The following TBX19 variants were observed in gnomAD, a reference collection of about 807,000 sequenced individuals.
The protein encoded by TBX19 is T-box transcription factor TBX19.
TBX19 carries 33 observed loss-of-function variants against 40.9 expected under a neutral mutation model. The observed-to-expected ratio is 0.81, with a 90% CI of 0.61 to 1.08. TBX19 has a LOEUF of 1.08. Among genes scored for constraint, TBX19 ranks in the 50% least tolerant of loss-of-function variants. The pLI is 0.00. For missense variants in TBX19, 494 were observed against 574.0 expected (o/e 0.86, Z 1.42); for synonymous variants, 220 against 225.0 (o/e 0.98, Z 0.20).
intron 5 of TBX19, among the ~76,000 whole-genome samples, chr1:168,304,464 AG>A (rs1279624058): frequency 6.6e-6 from 1 of 152,196 alleles, no homozygotes; most frequent in African/African-American, 2.4e-5. Flanking sequence ...GGCCTATCTT[AG>A]GTTCTACAAT....
intron 2 of TBX19, among the ~76,000 whole-genome samples, chr1:168,291,761 T>G (rs1047802645): frequency 6.6e-6 from 1 of 152,042 alleles, no homozygotes; most frequent in Non-Finnish European, 1.5e-5. Flanking sequence ...TTAGTCCCTC[T>G]CCCCTTTTTT....
At chr1:168,292,258 G>A (rs1648959750) in intron 2 of TBX19, among the ~76,000 whole-genome samples, 1 of 152,198 alleles carries the variant, frequency 6.6e-6, no homozygotes, top group Non-Finnish European at 1.5e-5. Flanking sequence ...GTGATACTCA[G>A]AAGCTTCCAG....
At chr1:168,295,184 G>A (rs932885383) in intron 3 of TBX19, among the ~76,000 whole-genome samples, 13 of 151,944 alleles carry the variant, frequency 8.6e-5, no homozygotes, top group East Asian at 1.9e-4. Flanking sequence ...CCAGCTACTC[G>A]GGAGGCTGAG....
At chr1:168,296,621 T>C (rs1400201284) in intron 3 of TBX19, among the ~76,000 whole-genome samples, 3 of 152,134 alleles carry the variant, frequency 2.0e-5, no homozygotes, top group Non-Finnish European at 4.4e-5. Context: ...GGAGCTACAA[T>C]TCAAGATGAA....
chr1:168,292,845 C>CAGA (rs1005180443), intron 2 of TBX19, among the ~76,000 whole-genome samples: 1 of 121,710 alleles, frequency 8.2e-6, no homozygotes, highest in Non-Finnish European at 1.6e-5. Context: ...GCCTGGGTGA[C>CAGA]AGAGCGAGAC....
chr1:168,282,541 T>C (rs1467704032), intron 1 of TBX19, among the ~76,000 whole-genome samples: 1 of 152,238 alleles, frequency 6.6e-6, no homozygotes, highest in Non-Finnish European at 1.5e-5. Flanking sequence ...TTATTTCATA[T>C]AGATTTATTG....
chr1:168,302,425 A>G (rs1348841209), intron 5 of TBX19, among the ~76,000 whole-genome samples: 2 of 152,148 alleles, frequency 1.3e-5, no homozygotes, highest in Admixed American at 6.5e-5. Context: ...TCCTTAGCCA[A>G]TGTTCTTAAG....
At chr1:168,304,891 C>A in intron 5 of TBX19, 117 bp from the exon 6 acceptor site, 1 of 1,063,190 alleles carries the variant, frequency 9.4e-7, no homozygotes, top group Non-Finnish European at 1.4e-6. Context: ...CACCATCACA[C>A]AGGCTGGCAT....
intron 1 of TBX19, among the ~76,000 whole-genome samples, chr1:168,290,708 C>CT (rs1020896542): frequency 2.7e-4 from 40 of 149,110 alleles, no homozygotes; most frequent in Admixed American, 1.3e-3. Context: ...CAGCTAATTT[C>CT]TTTTTTTTTT....
chr1:168,288,341 T>TG (rs995999887), intron 1 of TBX19, among the ~76,000 whole-genome samples: 4 of 152,174 alleles, frequency 2.6e-5, no homozygotes, highest in Non-Finnish European at 5.9e-5. Context: ...TGCATTTGGT[T>TG]GAATCTACAG....
intron 3 of TBX19, 35 bp from the exon 4 acceptor site, chr1:168,297,688 AC>A (rs746971970): frequency 6.3e-7 from 1 of 1,597,548 alleles, no homozygotes; most frequent in East Asian, 2.2e-5. Flanking sequence ...TGTGTATCCT[AC>A]TTTTACTAAC....
chr1:168,302,105 T>C (rs766181185), intron 5 of TBX19, among the ~76,000 whole-genome samples: 2 of 152,218 alleles, frequency 1.3e-5, no homozygotes, highest in African/African-American at 2.4e-5. Flanking sequence ...TCAAAGTTCA[T>C]GTGTTGCAAT....
At chr1:168,293,012 C>A in intron 2 of TBX19, 132 bp from the exon 3 acceptor site, 1 of 1,485,762 alleles carries the variant, frequency 6.7e-7, no homozygotes, top group Middle Eastern at 1.8e-4. Context: ...CTCAGGTGGC[C>A]TAGGATTTGA....
Position 168,306,654 on chromosome 1 carries a change from A to C in TBX19, c.916+1458A>C, listed in dbSNP as rs532227962. ...AAAAAAAAAAAAAAAAAAAAGATAT[A>C]GCTTCTTCCCTGGAGGAGCTCGGGG... On this transcript the variant is annotated intron_variant, in intron 6 of 7. Transcript: ENST00000367821. Among the ~76,000 whole-genome samples, 10 of 147,058 alleles carry C rather than the reference A, an allele frequency of 6.8e-5. No individual in the cohort carries two copies. In the East Asian group the frequency reaches 2.0e-3, roughly 30 times the overall value.
In TBX19 at chr1:168,293,781, G is replaced by A. The variant is rs184773947; in HGVS notation, c.603+503G>A. Among the ~76,000 whole-genome samples the A allele has an allele frequency of 4.2e-3, 639 of 152,224 alleles. 8 individuals carry two copies. The highest frequency in any genetic ancestry group is 0.014 in the African/African-American group (568 of 41,542). On this transcript the variant is annotated intron_variant, in intron 3 of 7. Transcript: ENST00000367821. The stretch of plus-strand genomic sequence containing the variant: ...CTGCTGCTGCCCAGTGACTTGAGCC[G>A]CCTGGCTGTGAGGGCTGAGTGGTTA...
At chr1:168,293,046 G>A (rs1648985806) in intron 2 of TBX19, 98 bp from the exon 3 acceptor site, 6 of 1,591,354 alleles carry the variant, frequency 3.8e-6, no homozygotes, top group Non-Finnish European at 5.1e-6. Context: ...AACCGGGGTG[G>A]TGCTAAGCTT....
rs547884621 is a variant in TBX19 at position 168,292,196 on chromosome 1, A to G, written c.468+772A>G. ...CCCCTTCTCTGATCTCTGTGCTCAGATGGCAGGGACCATAGGAGTTCATGT... is the reference window on the plus strand; with the variant it reads ...CCCCTTCTCTGATCTCTGTGCTCAGGTGGCAGGGACCATAGGAGTTCATGT... On this transcript the variant is annotated intron_variant, in intron 2 of 7. Coordinates refer to ENST00000367821, the MANE Select transcript of TBX19 (RefSeq NM_005149.3). 3.3e-5 allele frequency among the ~76,000 whole-genome samples: 5 copies of G among 152,252 alleles called. No individual in the cohort carries two copies. In the South Asian group the frequency reaches 1.0e-3, roughly 32 times the overall value.
At chr1:168,282,078 C>T (rs1199763956) in intron 1 of TBX19, among the ~76,000 whole-genome samples, 4 of 152,164 alleles carry the variant, frequency 2.6e-5, no homozygotes, top group Non-Finnish European at 4.4e-5. Flanking sequence ...TCTCACCGCT[C>T]GCAGCTTGGC....
chr1:168,305,286 C>A, intron 6 of TBX19, 90 bp downstream of exon 6: 2 of 1,253,282 alleles, frequency 1.6e-6, no homozygotes, highest in Non-Finnish European at 2.3e-6. Flanking sequence ...AAAGGAGTAG[C>A]TAAAGATGGA....
Sources: gnomAD v4.1 joint callset for allele counts (sites outside exome capture counted in the v4.1 genomes callset) on GRCh38, gnomAD v4.1.1 for gene constraint, MANE v1.5 for transcripts, NCBI Gene and HGNC (gene_info 2026-07-23, HGNC 2026-07-21) for gene names.